Variants in CCSER1 observed in about 807,000 individuals in gnomAD.
CCSER1 encodes the protein coiled-coil serine rich protein 1.
Under a neutral mutation model 82.0 loss-of-function variants are expected in CCSER1, and 41 were observed. The observed-to-expected ratio is 0.50, with a 90% CI of 0.39 to 0.65. The LOEUF (loss-of-function observed/expected upper bound fraction) is 0.65. Among genes scored for constraint, CCSER1 ranks in the 30% least tolerant of loss-of-function variants. The pLI is 0.00. For missense variants in CCSER1, 1,119 were observed against 1,064.2 expected (o/e 1.05, Z -0.72); for synonymous variants, 414 against 383.9 (o/e 1.08, Z -0.92).
At chr4:90,491,567 G>A (rs1380628846) in intron 5 of CCSER1, among the ~76,000 whole-genome samples, 2 of 152,158 alleles carry the variant, frequency 1.3e-5, no homozygotes, top group South Asian at 2.1e-4. Context: ...AATAGGAGTG[G>A]TGAGAGAGGG....
Position 90,291,461 on chromosome 4 carries a change from G to A in CCSER1, c.-41-16783G>A, listed in dbSNP as rs532370444. Among the ~76,000 whole-genome samples, 17 of 152,092 alleles carry A rather than the reference G, an allele frequency of 1.1e-4. No homozygotes were observed. In the South Asian group the frequency reaches 3.5e-3, roughly 32 times the overall value. On this transcript the variant is annotated intron_variant, in intron 1 of 10. Transcript: ENST00000509176. ...ACTGGGCACAGCTGAAAAGGCCCTT[G>A]TGCCATAAACACAAGTCCTTTTCTC...
intron 10 of CCSER1, among the ~76,000 whole-genome samples, chr4:91,527,911 T>C (rs193123031): frequency 3.2e-4 from 49 of 152,200 alleles, no homozygotes; most frequent in African/African-American, 1.0e-3. Flanking sequence ...TGCTAATATA[T>C]GTATTTTGTT....
chr4:91,080,920 C>T (rs921444740), intron 9 of CCSER1, among the ~76,000 whole-genome samples: 1 of 152,050 alleles, frequency 6.6e-6, no homozygotes, highest in South Asian at 2.1e-4. Context: ...AATTAATAGC[C>T]TACCAACCAA....
At chr4:90,725,486 G>C (rs751216930) in intron 7 of CCSER1, among the ~76,000 whole-genome samples, 2 of 151,398 alleles carry the variant, frequency 1.3e-5, no homozygotes, top group Non-Finnish European at 3.0e-5. Context: ...GGCCAACATA[G>C]TTATAGTGAC....
At chr4:90,633,057 T>A (rs965727) in intron 6 of CCSER1, among the ~76,000 whole-genome samples, 72,839 of 151,954 alleles carry the variant, frequency 0.48, 20,721 homozygotes, top group African/African-American at 0.8. Flanking sequence ...TCTCCTCATT[T>A]TAATTGCTAA....
intron 10 of CCSER1, among the ~76,000 whole-genome samples, chr4:91,210,285 A>G (rs1228890974): frequency 1.3e-5 from 2 of 150,734 alleles, no homozygotes; most frequent in African/African-American, 4.9e-5. Flanking sequence ...TATATATAAC[A>G]TTATAACCCA....
intron 10 of CCSER1, among the ~76,000 whole-genome samples, chr4:91,474,806 TATATATACAC>T (rs1405926193): frequency 0.052 from 3,416 of 65,646 alleles, 76 homozygotes; most frequent in East Asian, 0.24. Context: ...TATATATATA[TATATATACAC>T]ACACACACAC....
intron 3 of CCSER1, among the ~76,000 whole-genome samples, chr4:90,365,284 A>G (rs1183304036): frequency 6.6e-6 from 1 of 151,878 alleles, no homozygotes; most frequent in African/African-American, 2.4e-5. Flanking sequence ...TTATATTTTT[A>G]TAACATCCCA....
intron 10 of CCSER1, among the ~76,000 whole-genome samples, chr4:91,243,721 A>G (rs1739554167): frequency 6.6e-6 from 1 of 152,172 alleles, no homozygotes; most frequent in African/African-American, 2.4e-5. Context: ...GATTCATCAT[A>G]TACTGACTAA....
At chr4:90,861,924 AT>A (rs1447885268) in intron 8 of CCSER1, among the ~76,000 whole-genome samples, 1 of 108,938 alleles carries the variant, frequency 9.2e-6, no homozygotes, top group Non-Finnish European at 2.1e-5. Context: ...ATATATATAT[AT>A]ATTTTTTTTT....
intron 10 of CCSER1, among the ~76,000 whole-genome samples, chr4:91,449,464 A>G (rs1755754132): frequency 6.6e-6 from 1 of 151,970 alleles, no homozygotes; most frequent in South Asian, 2.1e-4. Flanking sequence ...TTTGGTGCTC[A>G]GTAGACACCT....
chr4:90,384,207 T>C (rs970042528), intron 3 of CCSER1, among the ~76,000 whole-genome samples: 29 of 151,958 alleles, frequency 1.9e-4, no homozygotes, highest in African/African-American at 5.8e-4. Flanking sequence ...TTGTTACATA[T>C]GTATATATGT....
chr4:90,449,949 C>T (rs930009197), intron 4 of CCSER1, among the ~76,000 whole-genome samples: 1 of 152,172 alleles, frequency 6.6e-6, no homozygotes, highest in African/African-American at 2.4e-5. Context: ...AGTGTACAGC[C>T]CTGGCTGTAC....
At chr4:91,038,360 T>C (rs964564001) in intron 9 of CCSER1, among the ~76,000 whole-genome samples, 1 of 152,076 alleles carries the variant, frequency 6.6e-6, no homozygotes, top group African/African-American at 2.4e-5. Context: ...AATATATAAT[T>C]AAGTGAGGGG....
At chr4:91,098,246 A>G (rs1724704040) in intron 10 of CCSER1, among the ~76,000 whole-genome samples, 1 of 152,194 alleles carries the variant, frequency 6.6e-6, no homozygotes, top group African/African-American at 2.4e-5. Context: ...TAGACTTTGC[A>G]TTGTTTATCT....
chr4:91,110,530 A>T (rs1041082623), intron 10 of CCSER1, among the ~76,000 whole-genome samples: 1 of 152,048 alleles, frequency 6.6e-6, no homozygotes, highest in African/African-American at 2.4e-5. Context: ...ATAGTGGCCT[A>T]TTCACGGAGA....
At chr4:90,809,930 A>T (rs1020233668) in intron 7 of CCSER1, among the ~76,000 whole-genome samples, 1 of 152,100 alleles carries the variant, frequency 6.6e-6, no homozygotes, top group Non-Finnish European at 1.5e-5. Flanking sequence ...TTTGTAGTTC[A>T]GTATGGAAGA....
chr4:91,268,942 G>A (rs975807187), intron 10 of CCSER1, among the ~76,000 whole-genome samples: 2 of 152,138 alleles, frequency 1.3e-5, no homozygotes, highest in African/African-American at 4.8e-5. Flanking sequence ...GCAGGCTTGG[G>A]CTCAGAGGCC....
At chr4:90,990,193 A>G (rs1736907611) in intron 9 of CCSER1, among the ~76,000 whole-genome samples, 1 of 151,914 alleles carries the variant, frequency 6.6e-6, no homozygotes, top group Non-Finnish European at 1.5e-5. Flanking sequence ...AGAGTAGAGC[A>G]TAATATCTCC....
Sources: gnomAD v4.1 joint callset for allele counts (sites outside exome capture counted in the v4.1 genomes callset) on GRCh38, gnomAD v4.1.1 for gene constraint, MANE v1.5 for transcripts, NCBI Gene and HGNC (gene_info 2026-07-23, HGNC 2026-07-21) for gene names.